The following MEGF6 variants were observed in gnomAD, a reference collection of about 807,000 sequenced individuals.
MEGF6 encodes the protein multiple EGF like domains 6.
A neutral mutation model predicts 207.1 loss-of-function variants in MEGF6; 184 were observed. The ratio of observed to expected loss-of-function variants is 0.89; its 90% CI spans 0.79 to 1.00. The LOEUF is 1.00. MEGF6 is among the 50% of genes least tolerant of loss of function. The probability of loss-of-function intolerance (pLI) is 0.00; values close to 1 mark genes in which losing one functional copy is unlikely to be tolerated. For synonymous variants in MEGF6, 1,038 were observed against 910.0 expected, an observed-to-expected ratio of 1.14 and a Z score of -2.53; for missense variants, 2,282 against 2,202.9, an observed-to-expected ratio of 1.04 and a Z score of -0.72.
intron 3 of MEGF6, among the ~76,000 whole-genome samples, chr1:3,582,030 C>T (rs1402927016): frequency 1.3e-5 from 2 of 152,210 alleles, no homozygotes; most frequent in Non-Finnish European, 2.9e-5. Context: ...CCTGCTGTCC[C>T]GGCTGAGGAC....
In MEGF6 at chr1:3,579,876, C is replaced by G; in HGVS notation, c.430G>C (p.Ala144Pro). The G allele has an allele frequency of 6.5e-7, 1 of 1,541,028 alleles. No individual in the cohort carries two copies. Among genetic ancestry groups the G allele is most frequent in the South Asian group, 1.2e-5 (1 of 80,526 alleles). The change falls in exon 4 of 37, where the codon GCC becomes CCC. Residue 144 changes from alanine to proline, a missense_variant. Physicochemically the swap from Ala to Pro is conservative, Grantham distance 27. Coordinates refer to ENST00000356575, the MANE Select transcript of MEGF6 (RefSeq NM_001409.4). ...FHGGRCVPGS[A>P]QPCHCPPGFQ... ...CCGGGGGGACAGTGACACGGCTGGG[C>G]TGAGCCTGGCACACAACGGCCACCG...
In MEGF6 at chr1:3,510,788, C is replaced by T; in HGVS notation, c.1229G>A (p.Cys410Tyr). The T allele has an allele frequency of 6.2e-7, 1 of 1,603,772 alleles. No homozygotes were observed. Among genetic ancestry groups the T allele is most frequent in the Non-Finnish European group, 8.5e-7 (1 of 1,173,304 alleles). ...AGTGGCAGGGCAGTGCTCACCCTCA[C>T]AGCCGCAGCCATCGGCACTGAGCCG... ...GYRLSADGCG[C>Y]EDVDECASSR... Residue 410 changes from cysteine (C) to tyrosine (Y), a missense_variant, in exon 10 of 37, where the codon TGT becomes TAT. Physicochemically the swap from Cys to Tyr is radical, Grantham distance 194. Transcript: ENST00000356575.
intron 1 of MEGF6, among the ~76,000 whole-genome samples, chr1:3,610,175 G>A (rs1433173773): frequency 6.6e-6 from 1 of 152,260 alleles, no homozygotes; most frequent in South Asian, 2.1e-4. Context: ...CTGGAGTAAA[G>A]CCAGACCCAG....
At position 3,594,529 on chromosome 1, in the gene MEGF6, C is replaced by A. The variant is rs1318076696; in HGVS notation, c.376+809G>T. Among the ~76,000 whole-genome samples, 1 of 152,186 alleles carries A rather than the reference C, an allele frequency of 6.6e-6. No homozygotes were observed. The highest frequency in any genetic ancestry group is 1.5e-5 in the Non-Finnish European group (1 of 68,044). On this transcript the variant is annotated intron_variant, in intron 3 of 36. Coordinates refer to ENST00000356575, the MANE Select transcript of MEGF6 (RefSeq NM_001409.4). This position sits in a 1 kb window ranked among gnomAD's most constrained non-coding sequence, Gnocchi z 4.2. ...CCTGTCCCTCACTGGCAGGATGCCA[C>A]CTCGATTTTTTAGGGGAGGCCGGCT...
chr1:3,521,673 C>T (rs1200484519), intron 5 of MEGF6, among the ~76,000 whole-genome samples: 1 of 152,204 alleles, frequency 6.6e-6, no homozygotes, highest in African/African-American at 2.4e-5. Context: ...AGAGCAGCTC[C>T]CGCTGGGCCC....
At chr1:3,611,794 G>A (rs896923659), upstream of MEGF6, among the ~76,000 whole-genome samples, 2 of 151,280 alleles carry the variant, frequency 1.3e-5, no homozygotes, top group Admixed American at 6.6e-5. Flanking sequence ...GACCCCGCGG[G>A]GCTGGCGCAG....
Position 3,489,978 on chromosome 1 carries a change from T to G in MEGF6, c.*550A>C, listed in dbSNP as rs1451656995. 1.3e-5 allele frequency: 2 copies of G among 154,376 alleles called. No individual in the cohort carries two copies. The highest frequency in any genetic ancestry group is 1.4e-5 in the Non-Finnish European group (1 of 69,632). The allele number at this position is 154,376 out of a possible 1,614,324, so 9.6% of individuals were successfully genotyped here. On this transcript the variant is annotated 3_prime_UTR_variant, in exon 37 of 37. Coordinates refer to ENST00000356575, the MANE Select transcript of MEGF6 (RefSeq NM_001409.4). ...CATGGTACCGGAGCCAGCAGCCTGG[T>G]GAGCCCGCAGGAGCCTGCAGACCTG... is the stretch of plus-strand genomic sequence containing the variant.
chr1:3,550,308 T>C (rs912721114), intron 4 of MEGF6, among the ~76,000 whole-genome samples: 1 of 152,020 alleles, frequency 6.6e-6, no homozygotes, highest in East Asian at 1.9e-4. Context: ...AAGACAGACA[T>C]GGAGGACGAC....
At chr1:3,563,169 A>G (rs1008538833) in intron 4 of MEGF6, among the ~76,000 whole-genome samples, 2 of 152,106 alleles carry the variant, frequency 1.3e-5, no homozygotes, top group African/African-American at 2.4e-5. Flanking sequence ...TGAGTCACAC[A>G]CATCGCACAT....
At chr1:3,501,510 C>A (rs776430940) in intron 18 of MEGF6, among the ~76,000 whole-genome samples, 1 of 152,112 alleles carries the variant, frequency 6.6e-6, no homozygotes, top group Non-Finnish European at 1.5e-5. Context: ...AGAGGACCCC[C>A]AGCCCCCGGC....
chr1:3,517,662 C>A (rs947701189), intron 5 of MEGF6, among the ~76,000 whole-genome samples: 3 of 152,226 alleles, frequency 2.0e-5, no homozygotes, highest in African/African-American at 7.2e-5. Flanking sequence ...AAACACACAG[C>A]CCAGCCACCC....
At chr1:3,617,618 A>G in the MEGF6 span, among the ~76,000 whole-genome samples, 1 of 152,138 alleles carries the variant, frequency 6.6e-6, no homozygotes, top group Non-Finnish European at 1.5e-5. Context: ...CTGCACATGG[A>G]CCCCTGAACT....
At chr1:3,609,961 T>A (rs1403331957) in intron 1 of MEGF6, among the ~76,000 whole-genome samples, 1 of 152,182 alleles carries the variant, frequency 6.6e-6, no homozygotes, top group Non-Finnish European at 1.5e-5. Flanking sequence ...CCCTGGCTGG[T>A]CCTGGGAGGA....
chr1:3,500,280 G>T (rs561106880), intron 21 of MEGF6, among the ~76,000 whole-genome samples: 1 of 152,350 alleles, frequency 6.6e-6, no homozygotes, highest in South Asian at 2.1e-4. Flanking sequence ...CCAGGTGCCA[G>T]GCCTCCCACA....
In MEGF6 at chr1:3,498,980, C is replaced by A. The variant is rs548761341; in HGVS notation, c.3095-154G>T. Among the ~76,000 whole-genome samples, 5 of 152,344 alleles carry A rather than the reference C, an allele frequency of 3.3e-5. No homozygotes were observed. The South Asian group carries it at 8.3e-4, about 25-fold the overall frequency. On this transcript the variant is annotated intron_variant, in intron 24 of 36. Coordinates refer to ENST00000356575, the MANE Select transcript of MEGF6 (RefSeq NM_001409.4). ...CTGCCAGCCCAGCCTCACTCCCCAT[C>A]CCTGCCTGGAGAGGGGCACAGGTGA...
At chr1:3,587,751 C>T (rs1018582123) in intron 3 of MEGF6, among the ~76,000 whole-genome samples, 3 of 152,120 alleles carry the variant, frequency 2.0e-5, no homozygotes, top group Non-Finnish European at 4.4e-5. Flanking sequence ...CATCGCAACA[C>T]CTCCCTGCAG....
chr1:3,501,438 G>C, intron 18 of MEGF6, 130 bp from the exon 19 acceptor site: 7 of 1,356,778 alleles, frequency 5.2e-6, no homozygotes, highest in Non-Finnish European at 6.9e-6. Flanking sequence ...AGCCTGCCCC[G>C]GGGAGGGGAG....
intron 6 of MEGF6, among the ~76,000 whole-genome samples, chr1:3,515,069 C>CATTTCCA (rs1242533808): frequency 1.3e-5 from 2 of 152,210 alleles, no homozygotes; most frequent in Non-Finnish European, 2.9e-5. Flanking sequence ...CCACAGCCCC[C>CATTTCCA]ATTTCCATAT....
At chr1:3,569,573 G>A (rs1440213698) in intron 4 of MEGF6, among the ~76,000 whole-genome samples, 3 of 152,260 alleles carry the variant, frequency 2.0e-5, no homozygotes, top group Non-Finnish European at 2.9e-5. Context: ...CCAGCTAGTG[G>A]GAAGAGCTGT....
Sources: gnomAD v4.1 joint callset for allele counts (sites outside exome capture counted in the v4.1 genomes callset) on GRCh38, gnomAD v4.1.1 for gene constraint, Gnocchi (gnomAD v3.1) non-coding constraint, MANE v1.5 for transcripts, NCBI Gene and HGNC (gene_info 2026-07-23, HGNC 2026-07-21) for gene names.